Variants in FCHSD2 observed in about 807,000 individuals in gnomAD.
FCHSD2 encodes the protein F-BAR and double SH3 domains protein 2.
In FCHSD2, 38 loss-of-function variants were observed where a neutral mutation model predicts 108.1. The observed-to-expected ratio is 0.35, with a 90% CI of 0.27 to 0.46. The LOEUF (loss-of-function observed/expected upper bound fraction) is 0.46. Among genes scored for constraint, FCHSD2 ranks in the 20% least tolerant of loss-of-function variants. The pLI, the probability that FCHSD2 is intolerant of heterozygous loss-of-function variation, is 1.00. For synonymous variants in FCHSD2, 279 were observed against 314.7 expected, an observed-to-expected ratio of 0.89 and a Z score of 1.20; for missense variants, 751 against 897.8, an observed-to-expected ratio of 0.84 and a Z score of 2.09.
rs759125722 is a variant in FCHSD2 at position 73,141,860 on chromosome 11, C to T, written c.18G>A (p.Arg6=). 45 of 1,545,178 alleles carry T rather than the reference C, an allele frequency of 2.9e-5. No individual in the cohort carries two copies. The highest frequency in any genetic ancestry group is 3.7e-5 in the Non-Finnish European group (42 of 1,146,050). MQPPP[R]KVKVTQELKN... ...AGCCCCCCAGCTGCGCCCTTACCTT[C>T]CTCGGCGGCGGCTGCATGATGCTGA... The change falls in exon 1 of 20, where the codon AGG becomes AGA. Residue 6 remains arginine, a synonymous_variant. Transcript: ENST00000409418.
intron 3 of FCHSD2, among the ~76,000 whole-genome samples, chr11:73,018,918 A>G (rs1328661420): frequency 6.6e-6 from 1 of 152,184 alleles, no homozygotes; most frequent in Non-Finnish European, 1.5e-5. Context: ...CTACACATTA[A>G]TTTTTATGAG....
chr11:73,129,428 C>T (rs1320996502), intron 2 of FCHSD2, among the ~76,000 whole-genome samples: 1 of 152,210 alleles, frequency 6.6e-6, no homozygotes, highest in Non-Finnish European at 1.5e-5. Context: ...CACCTGAGCT[C>T]CGCCTCCTGT....
At chr11:72,913,706 CTCT>C (rs1183028373) in intron 9 of FCHSD2, among the ~76,000 whole-genome samples, 1 of 151,736 alleles carries the variant, frequency 6.6e-6, no homozygotes. Context: ...TTTGGTTATT[CTCT>C]TTTTTTCCTC....
chr11:72,891,462 T>C (rs1344179442), intron 10 of FCHSD2, among the ~76,000 whole-genome samples: 2 of 152,232 alleles, frequency 1.3e-5, no homozygotes, highest in Non-Finnish European at 2.9e-5. Flanking sequence ...ATATTTTACA[T>C]TCTAATTCAT....
intron 4 of FCHSD2, among the ~76,000 whole-genome samples, chr11:73,015,531 CTTCT>C (rs1857952287): frequency 1.3e-5 from 2 of 151,886 alleles, no homozygotes; most frequent in South Asian, 2.1e-4. Flanking sequence ...TGTCACCTGC[CTTCT>C]TTAAGTTTCA....
chr11:72,924,696 T>TA (rs201660154), intron 8 of FCHSD2, among the ~76,000 whole-genome samples: 12 of 151,014 alleles, frequency 7.9e-5, no homozygotes, highest in South Asian at 2.1e-4. Flanking sequence ...TTTTTTTTTT[T>TA]AAATACACAA....
chr11:73,115,384 T>C (rs541539263), intron 2 of FCHSD2, among the ~76,000 whole-genome samples: 1 of 152,338 alleles, frequency 6.6e-6, no homozygotes, highest in East Asian at 1.9e-4. Context: ...GGGGTTTCAC[T>C]GTGTTAGCTA....
At chr11:72,891,057 C>A (rs1335038479) in intron 10 of FCHSD2, among the ~76,000 whole-genome samples, 2 of 152,116 alleles carry the variant, frequency 1.3e-5, no homozygotes, top group South Asian at 4.1e-4. Flanking sequence ...GCTGGAACTA[C>A]AGGTGTGTGT....
intron 3 of FCHSD2, among the ~76,000 whole-genome samples, chr11:73,038,764 T>C (rs184913275): frequency 6.6e-6 from 1 of 152,140 alleles, no homozygotes; most frequent in Non-Finnish European, 1.5e-5. Context: ...GGGTGATAGA[T>C]TCATTCATAC....
chr11:72,902,730 T>A, intron 9 of FCHSD2, 92 bp from the exon 10 acceptor site: 1 of 731,910 alleles, frequency 1.4e-6, no homozygotes. Flanking sequence ...CTATTTTCTA[T>A]ACAAATGAGA....
intron 2 of FCHSD2, among the ~76,000 whole-genome samples, chr11:73,101,084 A>G (rs1007190093): frequency 6.6e-6 from 1 of 152,138 alleles, no homozygotes; most frequent in Non-Finnish European, 1.5e-5. Context: ...CTCTACCTCA[A>G]TATGATGCTC....
At chr11:72,963,036 T>C (rs1383824619) in intron 8 of FCHSD2, among the ~76,000 whole-genome samples, 1 of 152,070 alleles carries the variant, frequency 6.6e-6, no homozygotes, top group Non-Finnish European at 1.5e-5. Context: ...ACCTCTTTGG[T>C]AAAAGAGGGA....
chr11:73,101,576 T>C (rs1242973857), intron 2 of FCHSD2, among the ~76,000 whole-genome samples: 1 of 152,024 alleles, frequency 6.6e-6, no homozygotes, highest in Non-Finnish European at 1.5e-5. Flanking sequence ...TAGCTGGGGC[T>C]ACAGATGCAC....
In FCHSD2 at chr11:73,120,956, C is replaced by T. The variant is rs1860720221; in HGVS notation, c.119+19075G>A. Among the ~76,000 whole-genome samples the T allele has an allele frequency of 1.3e-5, 2 of 152,074 alleles. 1 individual carries two copies. Among genetic ancestry groups the T allele is most frequent in the African/African-American group, 4.8e-5 (2 of 41,476 alleles). The stretch of plus-strand genomic sequence containing the variant: ...TCCCCACGAAATCTAATCTGGCACC[C>T]CTCAAGTCAATATTTTTGTTATTGT... On this transcript the variant is annotated intron_variant, in intron 2 of 19. Transcript: ENST00000409418.
intron 5 of FCHSD2, among the ~76,000 whole-genome samples, chr11:72,989,451 G>T (rs1485090412): frequency 1.3e-5 from 2 of 152,184 alleles, no homozygotes; most frequent in African/African-American, 2.4e-5. Context: ...AGGCAATTCT[G>T]TATTTCCCCA....
At chr11:72,904,548 T>C (rs1198615101) in intron 9 of FCHSD2, among the ~76,000 whole-genome samples, 1 of 152,192 alleles carries the variant, frequency 6.6e-6, no homozygotes, top group Non-Finnish European at 1.5e-5. Flanking sequence ...CTAATTATAT[T>C]GAAACAAGTT....
intron 8 of FCHSD2, among the ~76,000 whole-genome samples, chr11:72,932,696 A>G (rs1295138578): frequency 6.6e-6 from 1 of 152,120 alleles, no homozygotes; most frequent in Non-Finnish European, 1.5e-5. Flanking sequence ...ACTCCTGATC[A>G]TAGCATACAA....
At chr11:73,047,641 T>A (rs1442812165) in intron 3 of FCHSD2, among the ~76,000 whole-genome samples, 1 of 152,206 alleles carries the variant, frequency 6.6e-6, no homozygotes, top group African/African-American at 2.4e-5. Context: ...TAACGGCAAA[T>A]ATTTATGCTC....
At chr11:73,000,429 C>T (rs1366612359) in intron 5 of FCHSD2, among the ~76,000 whole-genome samples, 1 of 152,082 alleles carries the variant, frequency 6.6e-6, no homozygotes, top group Non-Finnish European at 1.5e-5. Flanking sequence ...TTAAGCAATG[C>T]CATTTTCCTA....
Sources: allele counts gnomAD v4.1 joint callset (sites outside exome capture counted in the v4.1 genomes callset), GRCh38; gene constraint gnomAD v4.1.1; transcripts MANE v1.5; gene names NCBI Gene and HGNC (gene_info 2026-07-23, HGNC 2026-07-21).